The following FANCL variants were observed in gnomAD, a reference collection of about 807,000 sequenced individuals.
FANCL encodes the protein E3 ubiquitin-protein ligase FANCL.
FANCL carries 69 observed loss-of-function variants against 59.4 expected under a neutral mutation model. The observed-to-expected ratio is 1.16, with a 90% CI of 0.96 to 1.42. The LOEUF (loss-of-function observed/expected upper bound fraction) is 1.42. Among genes scored for constraint, FANCL ranks in the 40% most tolerant of loss-of-function variants. FANCL has a pLI of 0.00. For synonymous variants in FANCL, 180 were observed against 147.1 expected (o/e 1.22, Z -1.62); for missense variants, 519 against 447.2 (o/e 1.16, Z -1.45).
chr2:58,208,893 T>A (rs956572576), intron 5 of FANCL, among the ~76,000 whole-genome samples: 1 of 152,212 alleles, frequency 6.6e-6, no homozygotes. Flanking sequence ...TAGAGAATCA[T>A]TAGCCTCGTA....
chr2:58,179,626 A>T (rs889677982), intron 7 of FANCL, among the ~76,000 whole-genome samples: 2 of 152,238 alleles, frequency 1.3e-5, no homozygotes, highest in Non-Finnish European at 2.9e-5. Context: ...TAAAACCATA[A>T]AAACCCTAGA....
At chr2:58,174,913 A>C (rs1398542394) in intron 7 of FANCL, among the ~76,000 whole-genome samples, 1 of 151,994 alleles carries the variant, frequency 6.6e-6, no homozygotes, top group African/African-American at 2.4e-5. Context: ...AAGAAGAGAG[A>C]AGAATCAAAT....
At chr2:58,186,438 G>C (rs1384047238) in intron 7 of FANCL, among the ~76,000 whole-genome samples, 1 of 152,182 alleles carries the variant, frequency 6.6e-6, no homozygotes, top group Non-Finnish European at 1.5e-5. Context: ...AAATTTATTG[G>C]AAGTGAACTC....
chr2:58,217,110 ACAC>A (rs1691798925), intron 5 of FANCL, among the ~76,000 whole-genome samples: 4 of 139,858 alleles, frequency 2.9e-5, no homozygotes, highest in Non-Finnish European at 6.2e-5. Flanking sequence ...ACACACACAC[ACAC>A]ATTACATATA....
intron 5 of FANCL, among the ~76,000 whole-genome samples, chr2:58,210,589 T>A (rs757437166): frequency 6.6e-6 from 1 of 152,142 alleles, no homozygotes; most frequent in Non-Finnish European, 1.5e-5. Flanking sequence ...TATTTCATCA[T>A]TAACTCAAAA....
At chr2:58,182,554 T>C (rs2104971522) in intron 7 of FANCL, among the ~76,000 whole-genome samples, 1 of 151,968 alleles carries the variant, frequency 6.6e-6, no homozygotes, top group Non-Finnish European at 1.5e-5. Flanking sequence ...TACAATAAAT[T>C]TGTAAGAAAT....
At chr2:58,173,304 C>A (rs954396445) in intron 7 of FANCL, among the ~76,000 whole-genome samples, 1 of 152,080 alleles carries the variant, frequency 6.6e-6, no homozygotes, top group Non-Finnish European at 1.5e-5. Flanking sequence ...AAGATACTCT[C>A]GAGAAGAGCA....
intron 5 of FANCL, among the ~76,000 whole-genome samples, chr2:58,208,425 T>C (rs1351296716): frequency 1.3e-5 from 2 of 152,220 alleles, no homozygotes; most frequent in African/African-American, 4.8e-5. Flanking sequence ...TTTAAAATGT[T>C]TGTTAATAAT....
At position 58,221,948 on chromosome 2, in the gene FANCL, C is replaced by G; in HGVS notation, c.368G>C (p.Trp123Ser). Residue 123 changes from tryptophan to serine, a missense_variant, in exon 5 of 14, where the codon TGG becomes TCG. Transcript: ENST00000233741. ...SLIEEIGTLG[W>S]DKLVYADTCF... ...TATTTTAAAACAGACATACTTATCC[C>G]AACCAAGAGTTCCTATCTCTTCAAT... 2.5e-6 allele frequency: 4 copies of G among 1,606,452 alleles called. No homozygotes were observed. The highest frequency in any genetic ancestry group is 3.4e-6 in the Non-Finnish European group (4 of 1,173,248).
intron 7 of FANCL, among the ~76,000 whole-genome samples, chr2:58,191,468 A>G (rs1688911659): frequency 6.6e-6 from 1 of 151,770 alleles, no homozygotes; most frequent in Non-Finnish European, 1.5e-5. Context: ...ACCAAACAGT[A>G]TTTCTCTCAA....
At chr2:58,175,667 C>T (rs1434115130) in intron 7 of FANCL, among the ~76,000 whole-genome samples, 1 of 152,200 alleles carries the variant, frequency 6.6e-6, no homozygotes, top group Non-Finnish European at 1.5e-5. Context: ...GACAAACCCA[C>T]AGCCAATATC....
intron 7 of FANCL, among the ~76,000 whole-genome samples, chr2:58,170,370 A>G (rs1686450857): frequency 6.6e-6 from 1 of 152,240 alleles, no homozygotes; most frequent in African/African-American, 2.4e-5. Flanking sequence ...CTGCCTTACA[A>G]GAGCTCCTGA....
chr2:58,196,012 T>C (rs1573662556), intron 7 of FANCL, among the ~76,000 whole-genome samples: 1 of 152,272 alleles, frequency 6.6e-6, no homozygotes, highest in South Asian at 2.1e-4. Flanking sequence ...TTATCAGTAG[T>C]GCTACAGATA....
chr2:58,229,920 A>T, intron 2 of FANCL, 46 bp from the exon 3 acceptor site: 1 of 1,371,842 alleles, frequency 7.3e-7, no homozygotes, highest in South Asian at 1.2e-5. Flanking sequence ...GTTCAGAATT[A>T]AAAACTTATT....
In FANCL at chr2:58,222,079, C is replaced by T. The variant is rs371698749; in HGVS notation, c.274-37G>A. On this transcript the variant is annotated intron_variant, in intron 4 of 13. Coordinates refer to ENST00000233741, the MANE Select transcript of FANCL (RefSeq NM_018062.4). ...AAGAAAACCTGAATTAGCTGTGGAACGCAAGACAATGAACTGTTAATACCT... is the reference window on the plus strand; with the variant it reads ...AAGAAAACCTGAATTAGCTGTGGAATGCAAGACAATGAACTGTTAATACCT... 2.1e-5 allele frequency: 31 copies of T among 1,449,168 alleles called. 1 individual carries two copies. Among genetic ancestry groups the T allele is most frequent in the Middle Eastern group, 3.5e-4 (2 of 5,740 alleles). The allele number at this position is 1,449,168 out of a possible 1,614,324, so 89.8% of individuals were successfully genotyped here. A position where few individuals can be genotyped will look rare whatever the true frequency, so the allele number is the denominator to read the frequency against.
At chr2:58,214,313 C>T (rs1691488655) in intron 5 of FANCL, among the ~76,000 whole-genome samples, 1 of 152,098 alleles carries the variant, frequency 6.6e-6, no homozygotes, top group Non-Finnish European at 1.5e-5. Context: ...GGGTATAATA[C>T]AAAGCAAAAG....
chr2:58,228,437 G>T (rs1693248591), intron 3 of FANCL, among the ~76,000 whole-genome samples: 1 of 152,172 alleles, frequency 6.6e-6, no homozygotes, highest in Non-Finnish European at 1.5e-5. Context: ...GTTTATTACA[G>T]ATGATCAATA....
intron 7 of FANCL, among the ~76,000 whole-genome samples, chr2:58,170,099 T>A (rs924456771): frequency 6.6e-6 from 1 of 151,408 alleles, no homozygotes; most frequent in African/African-American, 2.4e-5. Context: ...TTCATCAAGG[T>A]TGAAATGAAG....
chr2:58,176,391 T>C (rs1007060582), intron 7 of FANCL, among the ~76,000 whole-genome samples: 1 of 151,502 alleles, frequency 6.6e-6, no homozygotes, highest in African/African-American at 2.4e-5. Flanking sequence ...ACTACAAGGC[T>C]ACAGTAACCA....
Sources: gnomAD v4.1 joint callset for allele counts (sites outside exome capture counted in the v4.1 genomes callset) on GRCh38, gnomAD v4.1.1 for gene constraint, MANE v1.5 for transcripts, NCBI Gene and HGNC (gene_info 2026-07-23, HGNC 2026-07-21) for gene names.